Variants in CLRN3 observed in about 807,000 individuals in gnomAD.
The protein encoded by CLRN3 is clarin-3.
CLRN3 carries 12 observed loss-of-function variants against 16.7 expected under a neutral mutation model. The observed-to-expected ratio is 0.72, with a 90% confidence interval of 0.46 to 1.16. The LOEUF (loss-of-function observed/expected upper bound fraction) is 1.16, where lower values mean the gene tolerates loss of function less well. Ranked by LOEUF, CLRN3 falls within the 50% of genes most tolerant of loss-of-function variation. The pLI is 0.00. For synonymous variants in CLRN3, 118 were observed against 113.0 expected (o/e 1.04, Z -0.28); for missense variants, 296 against 274.2 (o/e 1.08, Z -0.56).
chr10:127,891,552 T>A (rs1845258082), intron 1 of CLRN3, among the ~76,000 whole-genome samples: 1 of 152,234 alleles, frequency 6.6e-6, no homozygotes, highest in South Asian at 2.1e-4. Flanking sequence ...GGGGAGATGC[T>A]GCTTTTGCTA....
In CLRN3 at chr10:127,892,565, T is replaced by G. The variant is rs1156419130; in HGVS notation, c.220A>C (p.Lys74Gln). 1 of 1,574,320 alleles carries G rather than the reference T, an allele frequency of 6.4e-7. No homozygotes were observed. The highest frequency in any genetic ancestry group is 8.7e-7 in the Non-Finnish European group (1 of 1,143,394). ...TTAGTTTATCATTTACCTGCAAACT[T>G]TTTCTTTGGTTCTGCAAGTCCGTGA... ...LSHGLAEPKK[K>Q]FAVLEILNNS... The change falls in exon 1 of 3, where the codon AAG (lysine) becomes CAG (glutamine). Residue 74 changes from lysine to glutamine, a missense_variant. By Grantham distance (53) the Lys-to-Gln change is moderately conservative. Transcript: ENST00000368671.
At position 127,892,581 on chromosome 10, in the gene CLRN3, A is replaced by T; in HGVS notation, c.204T>A (p.Leu68=). ...GESSEELSHG[L]AEPKKKFAVL... The stretch of plus-strand genomic sequence containing the variant: ...CTGCAAACTTTTTCTTTGGTTCTGC[A>T]AGTCCGTGACTCAATTCTTCACTAC... Residue 68 remains leucine (L), a synonymous_variant, in exon 1 of 3, where the codon CTT becomes CTA. Coordinates refer to ENST00000368671, the MANE Select transcript of CLRN3 (RefSeq NM_152311.5). The T allele has an allele frequency of 6.2e-7, 1 of 1,603,990 alleles. No homozygotes were observed. Among genetic ancestry groups the T allele is most frequent in the South Asian group, 1.1e-5 (1 of 90,910 alleles).
chr10:127,883,829 C>T lies in CLRN3; in HGVS notation c.276G>A (p.Val92=), dbSNP rs1170677214. The change falls in exon 2 of 3, where the codon GTG becomes GTA. Residue 92 remains valine (V), a synonymous_variant. Coordinates refer to ENST00000368671, the MANE Select transcript of CLRN3 (RefSeq NM_152311.5). ...NNSSQKTLHS[V]TILFLVLSLI... ...AACTCAGGACCAGGAACAGGATAGT[C>T]ACCGAATGCAGAGTTTTTTGGGAAG... 2.5e-6 allele frequency: 4 copies of T among 1,614,206 alleles called. No homozygotes were observed. The South Asian group carries it at 4.4e-5, about 18-fold the overall frequency.
chr10:127,879,119 G>C (rs1313731431), intron 2 of CLRN3, among the ~76,000 whole-genome samples: 1 of 151,814 alleles, frequency 6.6e-6, no homozygotes, highest in African/African-American at 2.4e-5. Context: ...ATTCTTTTTT[G>C]TTTGTTTTGA....
chr10:127,888,427 C>A (rs1028593238), intron 1 of CLRN3, among the ~76,000 whole-genome samples: 2 of 152,234 alleles, frequency 1.3e-5, no homozygotes, highest in African/African-American at 4.8e-5. Context: ...CCAGGAGAAT[C>A]TCCTTATGTG....
chr10:127,882,636 C>G (rs1303667333), intron 2 of CLRN3, among the ~76,000 whole-genome samples: 1 of 152,200 alleles, frequency 6.6e-6, no homozygotes, highest in East Asian at 1.9e-4. Context: ...CTGCGCCTAC[C>G]TCGTGGTAAG....
At position 127,892,834 on chromosome 10, in the gene CLRN3, T is replaced by C. The variant is rs770904095; in HGVS notation, c.-50A>G. 1 of 1,094,458 alleles carries C rather than the reference T, an allele frequency of 9.1e-7. No homozygotes were observed. Among genetic ancestry groups the C allele is most frequent in the South Asian group, 1.3e-5 (1 of 78,648 alleles). 67.8% of individuals were successfully genotyped at this position (1,094,458 alleles called of 1,614,324 possible). On this transcript the variant is annotated 5_prime_UTR_variant, in exon 1 of 3. Coordinates refer to ENST00000368671, the MANE Select transcript of CLRN3 (RefSeq NM_152311.5). ...GGACAAAAAAAGGAATATCTTCTTA[T>C]AACACTTTTGAACCTTATCTTTTGA...
chr10:127,878,299 G>A lies in CLRN3; in HGVS notation c.531C>T (p.Tyr177=), dbSNP rs147696485. The A allele has an allele frequency of 3.1e-5, 50 of 1,614,178 alleles. No homozygotes were observed. The African/African-American group carries it at 4.3e-4, about 14-fold the overall frequency. ...GCAGTATGAGCCAGAACGAGTATCC[G>A]TAACTGTGGGTCGTTCCTTTACTGG... is the stretch of plus-strand genomic sequence containing the variant. ...ATTSKGTTHS[Y]GYSFWLILLV... is the part of the protein sequence containing the mutation. Residue 177 remains tyrosine (Y), a synonymous_variant, in exon 3 of 3, where the codon TAC becomes TAT. Coordinates refer to ENST00000368671, the MANE Select transcript of CLRN3 (RefSeq NM_152311.5).
intron 2 of CLRN3, among the ~76,000 whole-genome samples, chr10:127,883,047 C>A (rs572446166): frequency 2.0e-5 from 3 of 152,212 alleles, no homozygotes; most frequent in Non-Finnish European, 4.4e-5. Context: ...GCTCCATCCT[C>A]CCAGCACCAC....
intron 1 of CLRN3, among the ~76,000 whole-genome samples, chr10:127,885,912 T>C (rs1403778669): frequency 6.6e-6 from 1 of 152,078 alleles, no homozygotes; most frequent in Non-Finnish European, 1.5e-5. Context: ...TGCACCACCA[T>C]GCCAGGCTAA....
intron 1 of CLRN3, among the ~76,000 whole-genome samples, chr10:127,887,422 G>T (rs1425846405): frequency 6.6e-6 from 1 of 151,512 alleles, no homozygotes; most frequent in South Asian, 2.1e-4. Context: ...AGCTGTTTTT[G>T]GGTATTCACT....
chr10:127,882,797 T>C (rs1478178353), intron 2 of CLRN3, among the ~76,000 whole-genome samples: 1 of 152,186 alleles, frequency 6.6e-6, no homozygotes, highest in Non-Finnish European at 1.5e-5. Flanking sequence ...TGAAGCCACC[T>C]CAGAAATCAT....
intron 1 of CLRN3, among the ~76,000 whole-genome samples, chr10:127,891,377 T>C (rs1450229559): frequency 6.6e-6 from 1 of 152,226 alleles, no homozygotes; most frequent in Non-Finnish European, 1.5e-5. Flanking sequence ...ATTTGTTAAA[T>C]GTGTCTGAGG....
chr10:127,885,757 TA>T (rs1845186338), intron 1 of CLRN3, among the ~76,000 whole-genome samples: 1 of 152,058 alleles, frequency 6.6e-6, no homozygotes, highest in Admixed American at 6.5e-5. Context: ...AGCTAATTTT[TA>T]AAATTTTTTT....
At chr10:127,885,818 C>A (rs4750923) in intron 1 of CLRN3, among the ~76,000 whole-genome samples, 7,023 of 151,720 alleles carry the variant, frequency 0.046, 221 homozygotes, top group African/African-American at 0.079. Flanking sequence ...CGCAATGGTG[C>A]GATCTCGGCT....
intron 1 of CLRN3, among the ~76,000 whole-genome samples, chr10:127,888,571 G>A (rs1467406841): frequency 6.6e-6 from 1 of 152,134 alleles, no homozygotes; most frequent in Non-Finnish European, 1.5e-5. Flanking sequence ...TGGCCTAATG[G>A]TGCAATGTTG....
intron 1 of CLRN3, among the ~76,000 whole-genome samples, chr10:127,884,737 A>G (rs998420870): frequency 1.3e-5 from 2 of 152,174 alleles, no homozygotes; most frequent in Non-Finnish European, 2.9e-5. Context: ...CAGGCTTCTG[A>G]CTGCCACCAG....
Position 127,892,588 on chromosome 10 carries a change from T to C in CLRN3, c.197A>G (p.His66Arg). ...CTTTTTCTTTGGTTCTGCAAGTCCGTGACTCAATTCTTCACTACTCTCCCC... is the reference window on the plus strand; with the variant it reads ...CTTTTTCTTTGGTTCTGCAAGTCCGCGACTCAATTCTTCACTACTCTCCCC... ...FRGESSEELS[H>R]GLAEPKKKFA... The change falls in exon 1 of 3, where the codon CAC becomes CGC. Residue 66 changes from histidine (H) to arginine (R), a missense_variant. By Grantham distance (29) the His-to-Arg change is conservative. Transcript: ENST00000368671. 6.2e-7 allele frequency: 1 copy of C among 1,609,504 alleles called. No homozygotes were observed. The highest frequency in any genetic ancestry group is 1.1e-5 in the South Asian group (1 of 90,998).
chr10:127,892,860 A>C lies in CLRN3; in HGVS notation c.-76T>G, dbSNP rs1845275117. 1.2e-6 allele frequency: 1 copy of C among 846,654 alleles called. No individual in the cohort carries two copies. The highest frequency in any genetic ancestry group is 1.7e-5 in the African/African-American group (1 of 58,900). The allele number at this position is 846,654 out of a possible 1,614,324, so 52.4% of individuals were successfully genotyped here. A position where few individuals can be genotyped will look rare whatever the true frequency, so the allele number is the denominator to read the frequency against. On this transcript the variant is annotated 5_prime_UTR_variant, in exon 1 of 3. Transcript: ENST00000368671. ...AACACTTTTGAACCTTATCTTTTGA[A>C]GTCTGGTATTTAGAAATGGAGTCTA...
Sources: allele counts gnomAD v4.1 joint callset (sites outside exome capture counted in the v4.1 genomes callset), GRCh38; gene constraint gnomAD v4.1.1; transcripts MANE v1.5; gene names NCBI Gene and HGNC (gene_info 2026-07-23, HGNC 2026-07-21).